PSMB8: variants seen among roughly 807,000 people sequenced by gnomAD.
The protein encoded by PSMB8 is proteasome subunit beta type-8.
PSMB8 carries 20 observed loss-of-function variants against 32.3 expected under a neutral mutation model. That is an observed-to-expected ratio of 0.62 (90% CI 0.44 to 0.90). The LOEUF is 0.90. Among genes scored for constraint, PSMB8 ranks in the 40% least tolerant of loss-of-function variants. The pLI is 0.00. For missense variants in PSMB8, 342 were observed against 365.4 expected (o/e 0.94, Z 0.52); for synonymous variants, 131 against 135.4 (o/e 0.97, Z 0.23).
Position 32,844,027 on chromosome 6 carries a change from C to G in PSMB8, c.-31G>C. 6.2e-7 allele frequency: 1 copy of G among 1,603,926 alleles called. No homozygotes were observed. Among genetic ancestry groups the G allele is most frequent in the Non-Finnish European group, 8.5e-7 (1 of 1,173,842 alleles). On this transcript the variant is annotated 5_prime_UTR_variant, in exon 1 of 6. Coordinates refer to ENST00000374882, the MANE Select transcript of PSMB8 (RefSeq NM_148919.4). ...CCCAGCACCCAGAGATCTGTCCGCT[C>G]TCGGAGGAGGAAGTGAAAGCGAAAG...
At chr6:32,843,528 C>A (rs1479129309) in intron 1 of PSMB8, among the ~76,000 whole-genome samples, 1 of 152,182 alleles carries the variant, frequency 6.6e-6, no homozygotes, top group African/African-American at 2.4e-5. Context: ...ATAGGTTTCC[C>A]AAGACACCAC....
upstream of PSMB8, chr6:32,844,116 GAC>G: frequency 6.6e-7 from 1 of 1,511,476 alleles, no homozygotes; most frequent in South Asian, 1.2e-5. Context: ...CCGAGAAAAG[GAC>G]AGTTAGTGCC....
chr6:32,842,780 G>T lies in PSMB8; in HGVS notation c.299C>A (p.Ala100Asp), dbSNP rs370702825. The change falls in exon 3 of 6, where the codon GCC becomes GAC. Residue 100 changes from alanine (A) to aspartate (D), a missense_variant. Coordinates refer to ENST00000374882, the MANE Select transcript of PSMB8 (RefSeq NM_148919.4). The stretch of plus-strand genomic sequence containing the variant: ...CTCAATCACCTTGTTCACCCGTAAG[G>T]CACCTGGAAGAAGATGGAGCTTTGG... ...SRASAGSYIS[A>D]LRVNKVIEIN... The T allele has an allele frequency of 5.6e-6, 9 of 1,613,786 alleles. No individual in the cohort carries two copies. Among genetic ancestry groups the T allele is most frequent in the South Asian group, 4.4e-5 (4 of 91,068 alleles).
rs1227788394 is a variant in PSMB8, at chr6:32,841,555, T to C, written c.718A>G (p.Ser240Gly). The C allele has an allele frequency of 2.5e-6, 4 of 1,612,780 alleles. No homozygotes were observed. The highest frequency in any genetic ancestry group is 8.5e-7 in the Non-Finnish European group (1 of 1,180,032). The stretch of plus-strand genomic sequence containing the variant: ...CTATTGACAACGCCTCCAGAATAGC[T>C]GTCTCTGTGAGTGGCATAAGCAATA... ...RAIAYATHRD[S>G]YSGGVVNMYH... Residue 240 changes from serine (S) to glycine (G), a missense_variant, in exon 5 of 6, where the codon AGC becomes GGC. By Grantham distance (56) the Ser-to-Gly change is moderately conservative. Coordinates refer to ENST00000374882, the MANE Select transcript of PSMB8 (RefSeq NM_148919.4).
chr6:32,843,226 C>G, intron 1 of PSMB8, 137 bp from the exon 2 acceptor site: 1 of 1,001,328 alleles, frequency 1.0e-6, no homozygotes, highest in Non-Finnish European at 1.5e-6. Flanking sequence ...CAGTTAATAA[C>G]CAATCTCTAG....
Position 32,841,726 on chromosome 6 carries a change from G to A in PSMB8, c.547C>T (p.Leu183Phe). Residue 183 changes from leucine to phenylalanine, a missense_variant, in exon 5 of 6, where the codon CTC becomes TTC. By Grantham distance (22) the Leu-to-Phe change is conservative. Coordinates refer to ENST00000374882, the MANE Select transcript of PSMB8 (RefSeq NM_148919.4). ...GTCCCATGTTCATCCACGTAGTAGAGTCCAGGACCCTATAAGATGAAAGAT... is the reference window on the plus strand; with the variant it reads ...GTCCCATGTTCATCCACGTAGTAGAATCCAGGACCCTATAAGATGAAAGAT... ...ICGWDKKGPGLYYVDEHGTRL... is the reference protein window; with the variant it reads ...ICGWDKKGPGFYYVDEHGTRL... 2 of 1,612,694 alleles carry A rather than the reference G, an allele frequency of 1.2e-6. No homozygotes were observed.
chr6:32,841,558 C>A lies in PSMB8; in HGVS notation c.715G>T (p.Asp239Tyr). The A allele has an allele frequency of 1.2e-6, 2 of 1,612,830 alleles. No individual in the cohort carries two copies. The highest frequency in any genetic ancestry group is 1.7e-6 in the Non-Finnish European group (2 of 1,180,042). Residue 239 changes from aspartate (D) to tyrosine (Y), a missense_variant, in exon 5 of 6, where the codon GAC (aspartate) becomes TAC (tyrosine). Transcript: ENST00000374882. ...RRAIAYATHR[D>Y]SYSGGVVNMY... ...TTGACAACGCCTCCAGAATAGCTGT[C>A]TCTGTGAGTGGCATAAGCAATAGCC... is the stretch of plus-strand genomic sequence containing the variant.
At position 32,843,902 on chromosome 6, in the gene PSMB8, T is replaced by C; in HGVS notation, c.95A>G (p.His32Arg). Residue 32 changes from histidine to arginine, a missense_variant, in exon 1 of 6, where the codon CAC (histidine) becomes CGC (arginine). Coordinates refer to ENST00000374882, the MANE Select transcript of PSMB8 (RefSeq NM_148919.4). ...AGSGRRSDPG[H>R]YSFSMRSPEL... Reference sequence around the variant, plus strand: ...TGGAGATCGCATAGAGAAACTGTAGTGTCCTGGGTCCGAGCGACGCCCGCT... The same window carrying C: ...TGGAGATCGCATAGAGAAACTGTAGCGTCCTGGGTCCGAGCGACGCCCGCT... 1 of 1,612,736 alleles carries C rather than the reference T, an allele frequency of 6.2e-7. No homozygotes were observed. The highest frequency in any genetic ancestry group is 2.2e-5 in the East Asian group (1 of 44,866).
At position 32,840,861 on chromosome 6, in the gene PSMB8, A is replaced by G. The variant is rs901523048; in HGVS notation, c.*98T>C. ...TGAGCCCGTACTCTCTCTTTGGCTC[A>G]GGCTAGGCCTCTTCTTCTCCTTGGA... On this transcript the variant is annotated 3_prime_UTR_variant, in exon 6 of 6. Coordinates refer to ENST00000374882, the MANE Select transcript of PSMB8 (RefSeq NM_148919.4). 4 of 1,023,740 alleles carry G rather than the reference A, an allele frequency of 3.9e-6. No individual in the cohort carries two copies. Among genetic ancestry groups the G allele is most frequent in the Admixed American group, 1.9e-5 (1 of 53,660 alleles). The allele number at this position is 1,023,740 out of a possible 1,614,324, so 63.4% of individuals were successfully genotyped here.
chr6:32,842,097 A>G (rs975990510), intron 4 of PSMB8, 37 bp downstream of exon 4: 2 of 1,613,052 alleles, frequency 1.2e-6, no homozygotes, highest in East Asian at 2.2e-5. Context: ...TCCATAGGGA[A>G]CATGGTGGGG....
chr6:32,841,975 G>T (rs2127376756), intron 4 of PSMB8, 159 bp downstream of exon 4: 2 of 1,156,638 alleles, frequency 1.7e-6, no homozygotes, highest in Non-Finnish European at 2.5e-6. Flanking sequence ...TCATATCTGG[G>T]CCAATAAATA....
intron 4 of PSMB8, 129 bp downstream of exon 4, chr6:32,842,005 C>T (rs181510161): frequency 5.4e-5 from 76 of 1,415,478 alleles, no homozygotes; most frequent in African/African-American, 4.5e-4. Context: ...TATACTGAAA[C>T]AGTTCTATAA....
At chr6:32,844,273 A>T (rs779147010), upstream of PSMB8, 15 of 1,613,602 alleles carry the variant, frequency 9.3e-6, no homozygotes, top group Non-Finnish European at 1.3e-5. Flanking sequence ...TTACAGTAAG[A>T]GGTACCTCCA....
At chr6:32,842,530 G>T in intron 3 of PSMB8, 142 bp downstream of exon 3, 2 of 907,686 alleles carry the variant, frequency 2.2e-6, no homozygotes, top group South Asian at 1.4e-5. Flanking sequence ...TGGGAGAAGG[G>T]TCTTATCACC....
rs201142158 is a variant in PSMB8 at position 32,842,966 on chromosome 6, G to A, written c.271C>T (p.Arg91Trp). Residue 91 changes from arginine (R) to tryptophan (W), a missense_variant, in exon 2 of 6, where the codon CGG becomes TGG. Coordinates refer to ENST00000374882, the MANE Select transcript of PSMB8 (RefSeq NM_148919.4). Reference protein sequence around the residue: ...QHGVIAAVDSRASAGSYISAL... With the variant: ...QHGVIAAVDSWASAGSYISAL... The stretch of plus-strand genomic sequence containing the variant: ...CTAATGTAGGACCCAGCTGAGGCCC[G>A]AGAATCCACTGCTGCAATCACTCCA... 24 of 1,613,172 alleles carry A rather than the reference G, an allele frequency of 1.5e-5. No homozygotes were observed. The highest frequency in any genetic ancestry group is 4.4e-5 in the South Asian group (4 of 91,092).
intron 1 of PSMB8, 106 bp downstream of exon 1, chr6:32,843,744 C>T (rs1249110907): frequency 2.1e-6 from 3 of 1,423,388 alleles, no homozygotes; most frequent in Non-Finnish European, 2.9e-6. Flanking sequence ...AGGCTACCCC[C>T]GACCCTGTAC....
Position 32,842,687 on chromosome 6 carries a change from A to G in PSMB8, c.392T>C (p.Leu131Pro), listed in dbSNP as rs1295954266. 6.2e-7 allele frequency: 1 copy of G among 1,614,104 alleles called. No homozygotes were observed. The highest frequency in any genetic ancestry group is 1.1e-5 in the South Asian group (1 of 91,082). ...CCTCGCTTACCTGCATTCCTTGGCC[A>G]GCAGGCGCTCCCAGTACTGACAGTC... ...AADCQYWERLLAKECRLYYLR... is the reference protein window; with the variant it reads ...AADCQYWERLPAKECRLYYLR... The change falls in exon 3 of 6, where the codon CTG becomes CCG. Residue 131 changes from leucine (L) to proline (P), a missense_variant. Coordinates refer to ENST00000374882, the MANE Select transcript of PSMB8 (RefSeq NM_148919.4).
Position 32,840,927 on chromosome 6 carries a change from A to G in PSMB8, c.*32T>C. 6 of 1,577,674 alleles carry G rather than the reference A, an allele frequency of 3.8e-6. No individual in the cohort carries two copies. The highest frequency in any genetic ancestry group is 1.7e-4 in the Middle Eastern group (1 of 6,002). ...GTCCCTGAGTCGGCCAAGACCTCCCAGAGGAGACCTGCCCAGCTGCCACCA... is the reference window on the plus strand; with the variant it reads ...GTCCCTGAGTCGGCCAAGACCTCCCGGAGGAGACCTGCCCAGCTGCCACCA... On this transcript the variant is annotated 3_prime_UTR_variant, in exon 6 of 6. Transcript: ENST00000374882.
upstream of PSMB8, chr6:32,844,221 G>C: frequency 5.0e-6 from 8 of 1,602,644 alleles, no homozygotes; most frequent in African/African-American, 1.3e-5. Flanking sequence ...CGAAGAAAGC[G>C]AGAAAGGAAC....
Sources: gnomAD v4.1 joint callset for allele counts (sites outside exome capture counted in the v4.1 genomes callset) on GRCh38, gnomAD v4.1.1 for gene constraint, MANE v1.5 for transcripts, NCBI Gene and HGNC (gene_info 2026-07-23, HGNC 2026-07-21) for gene names.